The following PRKN variants were observed in gnomAD, a reference collection of about 807,000 sequenced individuals.
The protein encoded by PRKN is parkin RBR E3 ubiquitin protein ligase.
In PRKN, 56 loss-of-function variants were observed where a neutral mutation model predicts 59.5. The observed-to-expected ratio is 0.94, with a 90% CI of 0.76 to 1.18. The LOEUF (loss-of-function observed/expected upper bound fraction) is 1.18, where lower values mean the gene tolerates loss of function less well. Among genes scored for constraint, PRKN ranks in the 50% most tolerant of loss-of-function variants. The pLI, the probability that PRKN is intolerant of heterozygous loss-of-function variation, is 0.00. For synonymous variants in PRKN, 250 were observed against 222.1 expected (o/e 1.13, Z -1.12); for missense variants, 657 against 596.4 (o/e 1.10, Z -1.06).
Position 161,637,879 on chromosome 6 carries a change from A to G in PRKN, c.872-68463T>C, listed in dbSNP as rs183846409. Among the ~76,000 whole-genome samples, 6 of 152,306 alleles carry G rather than the reference A, an allele frequency of 3.9e-5. No individual in the cohort carries two copies. In the East Asian group the frequency reaches 1.2e-3, roughly 29 times the overall value. ...CCCAGAGGGGAGGTGGCCCAATCCA[A>G]GGTGACTGATCCCAAGTGTGACTGG... On this transcript the variant is annotated intron_variant, in intron 7 of 11. Coordinates refer to ENST00000366898, the MANE Select transcript of PRKN (RefSeq NM_004562.3).
chr6:161,643,087 T>C (rs1239868903), intron 7 of PRKN, among the ~76,000 whole-genome samples: 1 of 152,256 alleles, frequency 6.6e-6, no homozygotes, highest in African/African-American at 2.4e-5. Context: ...ATAGTAATTC[T>C]GCATGCAAAT....
intron 7 of PRKN, among the ~76,000 whole-genome samples, chr6:161,617,324 G>T (rs929787255): frequency 3.9e-5 from 6 of 152,208 alleles, no homozygotes; most frequent in African/African-American, 1.4e-4. Flanking sequence ...CAGATGGATA[G>T]AGTGCAAAAA....
rs189676848 is a variant in PRKN, at chr6:162,078,284, G to A, written c.535-24110C>T. Among the ~76,000 whole-genome samples, 12 of 152,076 alleles carry A rather than the reference G, an allele frequency of 7.9e-5. No individual in the cohort carries two copies. The East Asian group carries it at 1.5e-3, about 20-fold the overall frequency. On this transcript the variant is annotated intron_variant, in intron 4 of 11. Coordinates refer to ENST00000366898, the MANE Select transcript of PRKN (RefSeq NM_004562.3). ...ATACACTTGTTCAGTTGTATCCCAT[G>A]GCTTCTAACATCTGACTATGCTTCT...
At chr6:161,990,499 G>A (rs956917573) in intron 5 of PRKN, among the ~76,000 whole-genome samples, 20 of 152,034 alleles carry the variant, frequency 1.3e-4, no homozygotes, top group African/African-American at 2.2e-4. Flanking sequence ...TAAAAGATAC[G>A]AAATATCAGA....
intron 6 of PRKN, among the ~76,000 whole-genome samples, chr6:161,901,631 C>T (rs1158349686): frequency 3.3e-5 from 5 of 152,162 alleles, no homozygotes; most frequent in Admixed American, 3.3e-4. Context: ...CAACAGATTA[C>T]AAACAATGGA....
At chr6:162,264,264 G>A (rs1780024732) in intron 2 of PRKN, among the ~76,000 whole-genome samples, 1 of 152,082 alleles carries the variant, frequency 6.6e-6, no homozygotes, top group Non-Finnish European at 1.5e-5. Flanking sequence ...GCAACAGAGA[G>A]AGAGACTCTG....
chr6:161,377,991 C>T lies in PRKN; in HGVS notation c.1167+8803G>A, dbSNP rs766313344. Among the ~76,000 whole-genome samples, 1 of 152,080 alleles carries T rather than the reference C, an allele frequency of 6.6e-6. No homozygotes were observed. On this transcript the variant is annotated intron_variant, in intron 10 of 11. Transcript: ENST00000366898. This position sits in a 1 kb window ranked among gnomAD's most constrained non-coding sequence, Gnocchi z 4.2. ...CCCAAACAGATGAGGCAGCAGCTGA[C>T]AGTGGACTGTGTGTGGAAAGGAAAG...
At chr6:162,269,787 G>C (rs561627033) in intron 2 of PRKN, among the ~76,000 whole-genome samples, 1 of 152,230 alleles carries the variant, frequency 6.6e-6, no homozygotes, top group Non-Finnish European at 1.5e-5. Flanking sequence ...TATCACTAGT[G>C]ATCAGGGAAA....
rs558837031 is a variant in PRKN, at chr6:162,087,631, G to A, written c.535-33457C>T. Among the ~76,000 whole-genome samples, 26 of 121,410 alleles carry A rather than the reference G, an allele frequency of 2.1e-4. 2 individuals are homozygous for A. The East Asian group carries it at 5.8e-3, about 27-fold the overall frequency. 79.6% of individuals were successfully genotyped at this position (121,410 alleles called of 152,430 possible). ...TTTTTCTGAGACGGAGTCTCGCTCCGTCACCAGGCTGGAGTGCAGTGGCGC... is the reference window on the plus strand; with the variant it reads ...TTTTTCTGAGACGGAGTCTCGCTCCATCACCAGGCTGGAGTGCAGTGGCGC... On this transcript the variant is annotated intron_variant, in intron 4 of 11. Coordinates refer to ENST00000366898, the MANE Select transcript of PRKN (RefSeq NM_004562.3).
chr6:161,873,513 C>T (rs1384385735), intron 6 of PRKN, among the ~76,000 whole-genome samples: 4 of 151,848 alleles, frequency 2.6e-5, no homozygotes, highest in African/African-American at 9.7e-5. Flanking sequence ...AAAGGAAAAT[C>T]GCCGGTAGCA....
intron 5 of PRKN, among the ~76,000 whole-genome samples, chr6:162,021,227 C>A (rs1331371399): frequency 3.0e-5 from 4 of 132,124 alleles, no homozygotes; most frequent in Non-Finnish European, 4.8e-5. Flanking sequence ...CTATATACAT[C>A]AAATATATAT....
intron 7 of PRKN, among the ~76,000 whole-genome samples, chr6:161,646,105 G>A (rs1469994941): frequency 2.2e-5 from 2 of 90,940 alleles, no homozygotes; most frequent in African/African-American, 4.0e-5. Context: ...CGGAGGAGGC[G>A]GCGTATCAGT....
intron 2 of PRKN, among the ~76,000 whole-genome samples, chr6:162,328,654 T>C (rs1783424090): frequency 6.6e-6 from 1 of 152,158 alleles, no homozygotes; most frequent in South Asian, 2.1e-4. Flanking sequence ...ATGGCAGCTC[T>C]GATATTAAAG....
rs1175495717 is a variant in PRKN at position 161,637,182 on chromosome 6, A to G, written c.872-67766T>C. Among the ~76,000 whole-genome samples the G allele has an allele frequency of 7.9e-5, 12 of 152,334 alleles. No individual in the cohort carries two copies. In the East Asian group the frequency reaches 2.1e-3, roughly 27 times the overall value. On this transcript the variant is annotated intron_variant, in intron 7 of 11. Coordinates refer to ENST00000366898, the MANE Select transcript of PRKN (RefSeq NM_004562.3). ...TGAGGATCTGAGGTTTTTCTAAGGT[A>G]TTCATGCATGTAGGAAATGCTTCTG...
chr6:162,343,701 GTGTA>G (rs1011059589), intron 2 of PRKN, among the ~76,000 whole-genome samples: 2 of 151,806 alleles, frequency 1.3e-5, no homozygotes, highest in African/African-American at 4.8e-5. Flanking sequence ...GGGTGTGTGT[GTGTA>G]TGTGTATGTG....
chr6:162,435,209 G>A (rs1259325726), intron 2 of PRKN, among the ~76,000 whole-genome samples: 1 of 152,178 alleles, frequency 6.6e-6, no homozygotes, highest in Non-Finnish European at 1.5e-5. Flanking sequence ...TTGGATTGCT[G>A]CAGAGTTTCA....
At chr6:161,631,198 T>G (rs1783295043) in intron 7 of PRKN, among the ~76,000 whole-genome samples, 1 of 152,234 alleles carries the variant, frequency 6.6e-6, no homozygotes, top group Admixed American at 6.5e-5. Context: ...AGCTAGTGCT[T>G]ACTGAAAGCC....
chr6:161,915,042 T>C (rs956875384), intron 6 of PRKN, among the ~76,000 whole-genome samples: 2 of 152,162 alleles, frequency 1.3e-5, no homozygotes, highest in African/African-American at 4.8e-5. Context: ...CTCAGCACTT[T>C]GGGAGGCTGA....
chr6:162,071,998 T>C (rs556645361), intron 4 of PRKN, among the ~76,000 whole-genome samples: 3 of 152,314 alleles, frequency 2.0e-5, no homozygotes, highest in East Asian at 3.9e-4. Flanking sequence ...AAAGCATTCA[T>C]TGTTGCTAAT....
Sources: allele counts gnomAD v4.1 joint callset (sites outside exome capture counted in the v4.1 genomes callset), GRCh38; gene constraint gnomAD v4.1.1; non-coding constraint Gnocchi (gnomAD v3.1); transcripts MANE v1.5; gene names NCBI Gene and HGNC (gene_info 2026-07-23, HGNC 2026-07-21).